LIMK2: variants seen among roughly 807,000 people sequenced by gnomAD.
The protein encoded by LIMK2 is LIM domain kinase 2.
In LIMK2, 35 loss-of-function variants were observed where a neutral mutation model predicts 75.7. That is an observed-to-expected ratio of 0.46 (90% CI 0.35 to 0.61). The LOEUF is 0.61. Ranked by LOEUF, LIMK2 falls within the 20% of genes least tolerant of loss-of-function variation. The pLI is 0.00. For missense variants in LIMK2, 623 were observed against 831.0 expected (o/e 0.75, Z 3.08); for synonymous variants, 301 against 319.2 (o/e 0.94, Z 0.61).
intron 1 of LIMK2, among the ~76,000 whole-genome samples, chr22:31,223,912 G>A (rs969248613): frequency 1.3e-5 from 2 of 152,148 alleles, no homozygotes; most frequent in Non-Finnish European, 2.9e-5. Context: ...TCTTCTCTGG[G>A]GAACGAGGGG....
intron 13 of LIMK2, chr22:31,272,931 T>C: frequency 7.8e-7 from 1 of 1,289,030 alleles, no homozygotes. Context: ...GTTCTGACTG[T>C]GGCATTTGTG....
At chr22:31,277,134 G>T in intron 15 of LIMK2, 1 of 1,613,804 alleles carries the variant, frequency 6.2e-7, no homozygotes, top group Non-Finnish European at 8.5e-7. Context: ...CACCCCAGAA[G>T]AAGTGAGGGT....
At chr22:31,257,529 A>C (rs1262606731) in intron 2 of LIMK2, among the ~76,000 whole-genome samples, 1 of 152,210 alleles carries the variant, frequency 6.6e-6, no homozygotes, top group Non-Finnish European at 1.5e-5. Flanking sequence ...AAGAAAATTC[A>C]CGGCAATTTT....
At position 31,259,126 on chromosome 22, in the gene LIMK2, TG is replaced by T; in HGVS notation, c.262del (p.Glu88SerfsTer12). On this transcript the variant is annotated frameshift_variant, in exon 4 of 16. Transcript: ENST00000331728. LOFTEE classifies it high-confidence loss of function. ...LLMTGPFMVA[G>X]EFKYHPECFA... ...TTCTCCCCACCTGCTCACAGGTGGC[TG>T]GGGAGTTCAAGTACCACCCAGAGTG... The T allele has an allele frequency of 6.2e-7, 1 of 1,606,808 alleles. No individual in the cohort carries two copies. Among genetic ancestry groups the T allele is most frequent in the Non-Finnish European group, 8.5e-7 (1 of 1,173,470 alleles).
rs758586443 is a variant in LIMK2 at position 31,225,750 on chromosome 22, G to A, written c.47G>A (p.Gly16Glu). ...GATGTCTGGAGGTGTCCAGGCTGTG[G>A]GGACCACATTGCTCCAAGCCAGATA... The part of the protein sequence containing the change: ...GEDVWRCPGC[G>E]DHIAPSQIWY... Residue 16 changes from glycine (G) to glutamate (E), a missense_variant, in exon 2 of 16, where the codon GGG (glycine) becomes GAG (glutamate). Transcript: ENST00000331728. The A allele has an allele frequency of 2.9e-5, 47 of 1,613,932 alleles. No individual in the cohort carries two copies. The highest frequency in any genetic ancestry group is 4.0e-5 in the Non-Finnish European group (47 of 1,179,956).
intron 2 of LIMK2, among the ~76,000 whole-genome samples, chr22:31,234,955 T>G (rs972236433): frequency 6.6e-6 from 1 of 152,154 alleles, no homozygotes; most frequent in African/African-American, 2.4e-5. Flanking sequence ...CCTGGATGGC[T>G]CAGAGAAATA....
intron 14 of LIMK2, among the ~76,000 whole-genome samples, 154 bp from the exon 15 acceptor site, chr22:31,274,997 G>A (rs542301428): frequency 6.2e-4 from 94 of 152,246 alleles, no homozygotes; most frequent in Non-Finnish European, 1.2e-3. Flanking sequence ...AGTAAGATTT[G>A]GAGAGATGAT....
intron 10 of LIMK2, 101 bp from the exon 11 acceptor site, chr22:31,268,043 A>G: frequency 6.5e-7 from 1 of 1,526,868 alleles, no homozygotes; most frequent in Non-Finnish European, 9.1e-7. Context: ...GACTGAGCAT[A>G]CACAGGGAGG....
chr22:31,223,373 T>C (rs919906315), intron 1 of LIMK2, among the ~76,000 whole-genome samples: 1 of 152,210 alleles, frequency 6.6e-6, no homozygotes, highest in African/African-American at 2.4e-5. Context: ...CCTGTTTGAA[T>C]TTTGGAAATA....
chr22:31,273,429 T>C, intron 13 of LIMK2, 23 bp from the exon 14 acceptor site: 1 of 1,607,500 alleles, frequency 6.2e-7, no homozygotes, highest in Non-Finnish European at 8.5e-7. Flanking sequence ...AACTTAACAG[T>C]GTGCTCTCCT....
At chr22:31,277,423 A>C (rs1601452078) in intron 15 of LIMK2, 1 of 1,187,226 alleles carries the variant, frequency 8.4e-7, no homozygotes, top group South Asian at 2.5e-5. Context: ...GCTCAAAAAA[A>C]AAAAAAAAAA....
chr22:31,268,203 G>A lies in LIMK2; in HGVS notation c.1317+3G>A, dbSNP rs1340891383. The A allele has an allele frequency of 1.2e-6, 2 of 1,613,064 alleles. No homozygotes were observed. Among genetic ancestry groups the A allele is most frequent in the Middle Eastern group, 1.7e-4 (1 of 6,058 alleles). ...CCAAAGGAATCGCCTCCGGAATGGT[G>A]AGTCCCACCAACAAACCTGCCAGCA... On this transcript the variant is annotated splice_donor_region_variant and intron_variant, in intron 11 of 15. Transcript: ENST00000331728.
rs567250437 is a variant in LIMK2, at chr22:31,255,978, C to CTTTTTT, written c.117-2280_117-2275dup. 2.8e-3 allele frequency among the ~76,000 whole-genome samples: 83 copies of CTTTTTT among 29,682 alleles called. 23 individuals are homozygous for CTTTTTT. The highest frequency in any genetic ancestry group is 3.4e-3 in the East Asian group (3 of 878). 19.5% of individuals were successfully genotyped at this position (29,682 alleles called of 152,430 possible). On this transcript the variant is annotated intron_variant, in intron 2 of 15. Transcript: ENST00000331728. ...ATACTGAGTTTCTACTATATTGGGT[C>CTTTTTT]TTTTTTTTTTTTTTTTTTTTTTTTT...
In LIMK2 at chr22:31,271,284, T is replaced by C. The variant is rs546096352; in HGVS notation, c.1383+83T>C. The stretch of plus-strand genomic sequence containing the variant: ...TCACAAAGGAGGCTGACTTGTCCCC[T>C]CTGGCTAGAGGGCAGAGGTGTTGCC... On this transcript the variant is annotated intron_variant, in intron 12 of 15. Coordinates refer to ENST00000331728, the MANE Select transcript of LIMK2 (RefSeq NM_005569.4). 1.3e-4 allele frequency: 163 copies of C among 1,238,936 alleles called. 2 individuals carry two copies. The South Asian group carries it at 1.9e-3, about 15-fold the overall frequency. 76.7% of individuals were successfully genotyped at this position (1,238,936 alleles called of 1,614,324 possible).
At chr22:31,260,271 A>G (rs1224794972) in intron 5 of LIMK2, among the ~76,000 whole-genome samples, 194 bp downstream of exon 5, 1 of 152,072 alleles carries the variant, frequency 6.6e-6, no homozygotes, top group Non-Finnish European at 1.5e-5. Flanking sequence ...GCTACTTCCT[A>G]CCCGATACTT....
intron 2 of LIMK2, among the ~76,000 whole-genome samples, chr22:31,237,173 A>G (rs1370316066): frequency 6.6e-6 from 1 of 150,830 alleles, no homozygotes. Context: ...AGGCAGGAGA[A>G]TGGCGTGAAC....
At chr22:31,236,293 T>TAAA (rs58401512) in intron 2 of LIMK2, among the ~76,000 whole-genome samples, 7 of 104,134 alleles carry the variant, frequency 6.7e-5, no homozygotes, top group African/African-American at 7.0e-5. Flanking sequence ...AGACTCAGTC[T>TAAA]AAAAAAAAAA....
chr22:31,262,270 G>T lies in LIMK2; in HGVS notation c.657+31G>T. 6.7e-7 allele frequency: 1 copy of T among 1,500,950 alleles called. No homozygotes were observed. Among genetic ancestry groups the T allele is most frequent in the Non-Finnish European group, 9.3e-7 (1 of 1,076,756 alleles). The allele number at this position is 1,500,950 out of a possible 1,614,324, so 93.0% of individuals were successfully genotyped here. On this transcript the variant is annotated intron_variant, in intron 6 of 15. Transcript: ENST00000331728. This position sits in a 1 kb window ranked among gnomAD's most constrained non-coding sequence, Gnocchi z 5.0. ...GTGTGTGTCTAATCTGTCTTGTGAGGGTGGGACATGGAACAGATCCTCTGA... is the reference window on the plus strand; with the variant it reads ...GTGTGTGTCTAATCTGTCTTGTGAGTGTGGGACATGGAACAGATCCTCTGA...
At chr22:31,214,375 TA>T (rs2048372944) in intron 1 of LIMK2, among the ~76,000 whole-genome samples, 1 of 152,144 alleles carries the variant, frequency 6.6e-6, no homozygotes, top group Non-Finnish European at 1.5e-5. Context: ...AGATGGACAA[TA>T]AATAATTGTA....
Sources: allele counts gnomAD v4.1 joint callset (sites outside exome capture counted in the v4.1 genomes callset), GRCh38; gene constraint gnomAD v4.1.1; non-coding constraint Gnocchi (gnomAD v3.1); transcripts MANE v1.5; gene names NCBI Gene and HGNC (gene_info 2026-07-23, HGNC 2026-07-21).